Variants in RASL12 observed in about 807,000 individuals in gnomAD.
RASL12 encodes the protein RAS like family 12.
RASL12 carries 16 observed loss-of-function variants against 22.9 expected under a neutral mutation model. The observed-to-expected ratio is 0.70, with a 90% CI of 0.47 to 1.06. RASL12 has a LOEUF of 1.06. RASL12 is among the 50% of genes least tolerant of loss of function. RASL12 has a pLI of 0.00. For missense variants in RASL12, 306 were observed against 353.1 expected, an observed-to-expected ratio of 0.87 and a Z score of 1.07; for synonymous variants, 159 against 152.2, an observed-to-expected ratio of 1.04 and a Z score of -0.33.
downstream of RASL12, among the ~76,000 whole-genome samples, chr15:65,051,097 G>A (rs1181130565): frequency 2.0e-5 from 3 of 152,056 alleles, no homozygotes; most frequent in South Asian, 4.1e-4. Flanking sequence ...ACCTGACTCG[G>A]CTTCCCAAAG....
chr15:65,054,861 G>A lies in RASL12; in HGVS notation c.*38C>T. 6.3e-7 allele frequency: 1 copy of A among 1,581,000 alleles called. No individual in the cohort carries two copies. Among genetic ancestry groups the A allele is most frequent in the Non-Finnish European group, 8.6e-7 (1 of 1,162,172 alleles). On this transcript the variant is annotated 3_prime_UTR_variant, in exon 5 of 5. Coordinates refer to ENST00000220062, the MANE Select transcript of RASL12 (RefSeq NM_016563.4). ...CCAGTCCCTGTCCTGCTGCAGTCCT[G>A]TCCAGCCACCGAGCCTAGGCTTCCT... is the stretch of plus-strand genomic sequence containing the variant.
downstream of RASL12, among the ~76,000 whole-genome samples, chr15:65,052,378 A>T (rs1229185362): frequency 6.7e-6 from 1 of 150,022 alleles, no homozygotes; most frequent in East Asian, 2.0e-4. Context: ...AAGTGCACAC[A>T]CTAGCTATGT....
intron 3 of RASL12, among the ~76,000 whole-genome samples, 174 bp from the exon 4 acceptor site, chr15:65,058,791 T>A (rs2086767553): frequency 6.6e-6 from 1 of 152,248 alleles, no homozygotes; most frequent in Non-Finnish European, 1.5e-5. Context: ...AAGGAGACAT[T>A]GTCTCATGAA....
At chr15:65,070,657 C>T (rs1488434747), upstream of RASL12, among the ~76,000 whole-genome samples, 1 of 152,200 alleles carries the variant, frequency 6.6e-6, no homozygotes, top group African/African-American at 2.4e-5. Context: ...TAGGTCTAGA[C>T]ACGTAGGGCC....
intron 1 of RASL12, 105 bp from the exon 2 acceptor site, chr15:65,065,378 A>C (rs1288372556): frequency 1.9e-6 from 2 of 1,037,518 alleles, no homozygotes; most frequent in African/African-American, 1.6e-5. Context: ...CCCGGCTGAC[A>C]CCAAGCTCAG....
Position 65,054,926 on chromosome 15 carries a change from A to G in RASL12, c.774T>C (p.Thr258=), listed in dbSNP as rs2086705744. 2.5e-6 allele frequency: 4 copies of G among 1,613,862 alleles called. No homozygotes were observed. The highest frequency in any genetic ancestry group is 3.4e-6 in the Non-Finnish European group (4 of 1,179,894). The part of the protein sequence containing the change: ...AQSKRKAPTL[T]LLKGFKIF ...AGAAGATCTTGAAGCCCTTCAGGAG[A>G]GTCAGGGTAGGCGCCTTGCGCTTGC... Residue 258 remains threonine (T), a synonymous_variant, in exon 5 of 5, where the codon ACT becomes ACC. Coordinates refer to ENST00000220062, the MANE Select transcript of RASL12 (RefSeq NM_016563.4).
intron 4 of RASL12, among the ~76,000 whole-genome samples, chr15:65,057,069 T>C (rs1366851172): frequency 6.6e-6 from 1 of 152,210 alleles, no homozygotes; most frequent in Non-Finnish European, 1.5e-5. Flanking sequence ...GTCACATGAC[T>C]TCCCTCATTC....
At chr15:65,066,020 AAAGAGAAGAGAAGAGAAGAGTAGAG>A (rs1326871983) in intron 1 of RASL12, among the ~76,000 whole-genome samples, 7 of 97,118 alleles carry the variant, frequency 7.2e-5, no homozygotes, top group East Asian at 2.8e-4. Context: ...AAAGAAAAGA[AAAGAGAAGAGAAGAGAAGAGTAGAG>A]AAGAGAAGAG....
intron 4 of RASL12, among the ~76,000 whole-genome samples, chr15:65,057,111 T>C (rs1351511924): frequency 1.3e-5 from 2 of 152,252 alleles, no homozygotes; most frequent in African/African-American, 4.8e-5. Flanking sequence ...GTCTGAGGGC[T>C]TGGCCACCTT....
chr15:65,050,102 G>GT, downstream of RASL12: 1 of 1,551,316 alleles, frequency 6.4e-7, no homozygotes. Context: ...GTGGAAGATG[G>GT]TAAGTGGTGA....
chr15:65,047,820 GATA>G, the RASL12 span, among the ~76,000 whole-genome samples: 1 of 152,076 alleles, frequency 6.6e-6, no homozygotes, highest in African/African-American at 2.4e-5. Flanking sequence ...TAGATAGATA[GATA>G]GATAGATAGA....
rs2086697629 is a variant in RASL12 at position 65,054,317 on chromosome 15, T to C, written c.*582A>G. 2.0e-6 allele frequency: 2 copies of C among 985,682 alleles called. No individual in the cohort carries two copies. The highest frequency in any genetic ancestry group is 6.1e-5 in the Admixed American group (1 of 16,288). The allele number at this position is 985,682 out of a possible 1,614,324, so 61.1% of individuals were successfully genotyped here. A position where few individuals can be genotyped will look rare whatever the true frequency, so the allele number is the denominator to read the frequency against. On this transcript the variant is annotated 3_prime_UTR_variant, in exon 5 of 5. Transcript: ENST00000220062. ...TGGAAATACCCCTTCCTGGGGCTTC[T>C]GTCCATTGGATTATTTTAACTAGAT...
the RASL12 span, among the ~76,000 whole-genome samples, chr15:65,047,067 C>T: frequency 1.9e-3 from 291 of 152,216 alleles, no homozygotes; most frequent in African/African-American, 6.3e-3. Context: ...TTTAAAAATG[C>T]ATACAAAGGC....
upstream of RASL12, among the ~76,000 whole-genome samples, chr15:65,071,488 C>G (rs1816515352): frequency 6.6e-6 from 1 of 152,104 alleles, no homozygotes; most frequent in African/African-American, 2.4e-5. Context: ...GGGGCGGGAC[C>G]AAAGGGCTGA....
At chr15:65,068,323 G>A, upstream of RASL12, 5 of 982,234 alleles carry the variant, frequency 5.1e-6, no homozygotes, top group Non-Finnish European at 4.8e-6. The surrounding 1 kb of genome is among the most constrained non-coding windows in gnomAD (Gnocchi z 4.2). Context: ...CCCTCCCTTT[G>A]TTCTACCAAG....
intron 4 of RASL12, among the ~76,000 whole-genome samples, chr15:65,057,128 C>T (rs1239818678): frequency 6.6e-6 from 1 of 152,224 alleles, no homozygotes; most frequent in Non-Finnish European, 1.5e-5. Context: ...CCTTTGAAGG[C>T]CTCTCACCAT....
intron 3 of RASL12, 99 bp downstream of exon 3, chr15:65,059,246 G>T: frequency 1.0e-6 from 1 of 973,392 alleles, no homozygotes; most frequent in Non-Finnish European, 1.6e-6. Context: ...AGCTTAAAAG[G>T]CATCTAAATG....
upstream of RASL12, among the ~76,000 whole-genome samples, chr15:65,069,967 C>T (rs2086920130): frequency 6.6e-6 from 1 of 152,218 alleles, no homozygotes. Flanking sequence ...CTATCCTTTT[C>T]TCCATCCCCA....
At chr15:65,049,858 G>A, downstream of RASL12, 2 of 525,456 alleles carry the variant, frequency 3.8e-6, no homozygotes, top group Non-Finnish European at 6.6e-6. Flanking sequence ...GATCAAACTC[G>A]GGTGGGATAT....
Sources: gnomAD v4.1 joint callset for allele counts (sites outside exome capture counted in the v4.1 genomes callset) on GRCh38, gnomAD v4.1.1 for gene constraint, Gnocchi (gnomAD v3.1) non-coding constraint, MANE v1.5 for transcripts, NCBI Gene and HGNC (gene_info 2026-07-23, HGNC 2026-07-21) for gene names.